The following ZSCAN25 variants were observed in gnomAD, a reference collection of about 807,000 sequenced individuals.
ZSCAN25 encodes the protein zinc finger and SCAN domain containing 25.
ZSCAN25 carries 27 observed loss-of-function variants against 38.7 expected under a neutral mutation model. The observed-to-expected ratio is 0.70, with a 90% CI of 0.51 to 0.96. The LOEUF (loss-of-function observed/expected upper bound fraction) is 0.96. ZSCAN25 is among the 40% of genes least tolerant of loss of function. ZSCAN25 has a pLI of 0.00. For missense variants in ZSCAN25, 637 were observed against 705.9 expected (o/e 0.90, Z 1.11); for synonymous variants, 273 against 277.7 (o/e 0.98, Z 0.17).
chr7:99,677,887 T>C, the ZSCAN25 span, among the ~76,000 whole-genome samples: 8 of 152,164 alleles, frequency 5.3e-5, no homozygotes, highest in South Asian at 4.1e-4. Flanking sequence ...GTCAGCAGCA[T>C]TGGCCCCCAA....
the ZSCAN25 span, chr7:99,665,032 G>T: frequency 1.1e-6 from 1 of 870,832 alleles, no homozygotes; most frequent in Non-Finnish European, 1.7e-6. Context: ...AATAGTAATG[G>T]TCATACATAT....
At chr7:99,734,098 T>C in the ZSCAN25 span, among the ~76,000 whole-genome samples, 1 of 152,334 alleles carries the variant, frequency 6.6e-6, no homozygotes, top group Non-Finnish European at 1.5e-5. Flanking sequence ...TTAAAAAGGA[T>C]GAATTTAAGC....
chr7:99,668,002 A>G, the ZSCAN25 span, among the ~76,000 whole-genome samples: 2 of 152,350 alleles, frequency 1.3e-5, no homozygotes, highest in East Asian at 3.9e-4. Flanking sequence ...AATTGTCTCT[A>G]TTTTCAGGTG....
chr7:99,732,722 C>G, the ZSCAN25 span, among the ~76,000 whole-genome samples: 1 of 152,176 alleles, frequency 6.6e-6, no homozygotes, highest in African/African-American at 2.4e-5. Context: ...GTCCCACAAG[C>G]TTGGCCCCAG....
At chr7:99,731,692 G>A in the ZSCAN25 span, among the ~76,000 whole-genome samples, 1 of 152,170 alleles carries the variant, frequency 6.6e-6, no homozygotes, top group South Asian at 2.1e-4. Flanking sequence ...TCTAAGCTCT[G>A]ACCCTGTTTT....
chr7:99,696,369 C>T, the ZSCAN25 span, among the ~76,000 whole-genome samples: 1 of 152,174 alleles, frequency 6.6e-6, no homozygotes, highest in South Asian at 2.1e-4. Flanking sequence ...ACTTTCCTTT[C>T]CCTCTAAGCT....
the ZSCAN25 span, among the ~76,000 whole-genome samples, chr7:99,708,731 A>C: frequency 2.6e-5 from 4 of 152,184 alleles, no homozygotes; most frequent in Non-Finnish European, 5.9e-5. Flanking sequence ...TTTGTGGGAC[A>C]TAATAATAGC....
At chr7:99,680,149 C>A in the ZSCAN25 span, 1 of 469,558 alleles carries the variant, frequency 2.1e-6, no homozygotes, top group Admixed American at 3.4e-5. Flanking sequence ...TCAGTGTTAT[C>A]GGGGAGTCCA....
At chr7:99,618,194 C>T in intron 1 of ZSCAN25, 1 of 152,366 alleles carries the variant, frequency 6.6e-6, no homozygotes, top group African/African-American at 2.4e-5. Flanking sequence ...AGGTCTTCCG[C>T]ATAATCCACT....
At chr7:99,709,291 T>C in the ZSCAN25 span, 5 of 1,605,616 alleles carry the variant, frequency 3.1e-6, no homozygotes, top group East Asian at 2.2e-5. Flanking sequence ...TTTGGATAAA[T>C]TGAGATTTTT....
the ZSCAN25 span, chr7:99,638,158 A>G: frequency 3.2e-6 from 4 of 1,265,268 alleles, no homozygotes; most frequent in African/African-American, 1.5e-5. Flanking sequence ...AAAAGTGGCA[A>G]TTGAAAGAGG....
the ZSCAN25 span, among the ~76,000 whole-genome samples, chr7:99,691,994 G>A: frequency 6.6e-6 from 1 of 152,144 alleles, no homozygotes; most frequent in Non-Finnish European, 1.5e-5. Flanking sequence ...TAGCATCGAT[G>A]GTCTTTACCA....
At chr7:99,627,833 A>G (rs1807625230) in intron 7 of ZSCAN25, among the ~76,000 whole-genome samples, 1 of 152,022 alleles carries the variant, frequency 6.6e-6, no homozygotes, top group South Asian at 2.1e-4. Flanking sequence ...GTATATGTAT[A>G]TACTGTATAT....
At chr7:99,690,399 G>A in the ZSCAN25 span, among the ~76,000 whole-genome samples, 1 of 152,176 alleles carries the variant, frequency 6.6e-6, no homozygotes, top group East Asian at 1.9e-4. Flanking sequence ...AGGACTTCAT[G>A]TCTAAAACAC....
At chr7:99,679,338 G>A in the ZSCAN25 span, among the ~76,000 whole-genome samples, 2 of 152,042 alleles carry the variant, frequency 1.3e-5, no homozygotes, top group African/African-American at 4.8e-5. Flanking sequence ...TTGGAAGGCG[G>A]GGGAGCAGGA....
chr7:99,726,715 T>G, the ZSCAN25 span, among the ~76,000 whole-genome samples: 1 of 152,186 alleles, frequency 6.6e-6, no homozygotes, highest in Non-Finnish European at 1.5e-5. Context: ...TCCCACATTA[T>G]TCAATATATT....
the ZSCAN25 span, among the ~76,000 whole-genome samples, chr7:99,735,849 G>C: frequency 1.3e-5 from 2 of 152,300 alleles, no homozygotes; most frequent in Non-Finnish European, 2.9e-5. Context: ...ACACACAGTG[G>C]GGACCAGAAA....
At chr7:99,665,360 G>A in the ZSCAN25 span, 16 of 1,609,138 alleles carry the variant, frequency 9.9e-6, no homozygotes, top group Middle Eastern at 1.9e-4. Context: ...ACCTCTTACC[G>A]TCCTTCCACT....
chr7:99,731,255 TA>T, the ZSCAN25 span: 1 of 1,329,454 alleles, frequency 7.5e-7, no homozygotes. Context: ...GCAAAGGAGG[TA>T]ACATTAAGGC....
Sources: gnomAD v4.1 joint callset for allele counts (sites outside exome capture counted in the v4.1 genomes callset) on GRCh38, gnomAD v4.1.1 for gene constraint, MANE v1.5 for transcripts, NCBI Gene and HGNC (gene_info 2026-07-23, HGNC 2026-07-21) for gene names.